ZNF540: variants seen among roughly 807,000 people sequenced by gnomAD.
The protein encoded by ZNF540 is zinc finger protein 540.
ZNF540 carries 3 observed loss-of-function variants against 11.8 expected under a neutral mutation model. The ratio of observed to expected loss-of-function variants is 0.25; its 90% CI spans 0.12 to 0.65. ZNF540 has a LOEUF of 0.65. ZNF540 is among the 30% of genes least tolerant of loss of function. The pLI is 0.83. For missense variants in ZNF540, 709 were observed against 793.1 expected (o/e 0.89, Z 1.27); for synonymous variants, 247 against 259.0 (o/e 0.95, Z 0.45).
intron 4 of ZNF540, among the ~76,000 whole-genome samples, chr19:37,605,914 A>G (rs1206756546): frequency 3.3e-5 from 5 of 152,234 alleles, no homozygotes; most frequent in Non-Finnish European, 4.4e-5. Flanking sequence ...CAAAATTTTT[A>G]GCAATTTTAT....
At chr19:37,583,450 C>T (rs2147196354) in intron 1 of ZNF540, 1 of 152,542 alleles carries the variant, frequency 6.6e-6, no homozygotes, top group Admixed American at 6.5e-5. Context: ...GGAACTCACA[C>T]ACATAACCTT....
chr19:37,561,903 A>C (rs1234667199), intron 1 of ZNF540, among the ~76,000 whole-genome samples: 1 of 152,244 alleles, frequency 6.6e-6, no homozygotes, highest in African/African-American at 2.4e-5. Context: ...GAGACGAAGA[A>C]TGCATGAGTG....
chr19:37,584,235 C>T (rs1412057397), intron 1 of ZNF540: 15 of 1,120,908 alleles, frequency 1.3e-5, no homozygotes, highest in Non-Finnish European at 1.7e-5. Context: ...GTAGTATTAA[C>T]CTGATTCTCT....
In ZNF540 at chr19:37,565,583, TTACA is replaced by T. The variant is rs765879319; in HGVS notation, c.-73+13920_-73+13923del. ...AAGAATAAAGGCCTTCCCACAATCC[TTACA>T]TTCATAGGGTTTTTCACCACTATGA... On this transcript the variant is annotated intron_variant, in intron 1 of 4. Transcript: ENST00000592533. The T allele has an allele frequency of 6.2e-6, 10 of 1,613,650 alleles. No homozygotes were observed. In the Admixed American group the frequency reaches 1.7e-4, roughly 27 times the overall value.
At chr19:37,580,055 G>T (rs1406037789) in intron 1 of ZNF540, among the ~76,000 whole-genome samples, 2 of 152,152 alleles carry the variant, frequency 1.3e-5, no homozygotes, top group African/African-American at 4.8e-5. Flanking sequence ...TATATTTACA[G>T]CACGGATAGA....
chr19:37,565,611 GA>G, intron 1 of ZNF540: 2 of 1,613,310 alleles, frequency 1.2e-6, no homozygotes, highest in South Asian at 2.2e-5. Context: ...TCACCACTAT[GA>G]ATTCTCTGAT....
intron 4 of ZNF540, among the ~76,000 whole-genome samples, chr19:37,601,478 C>T (rs1678072421): frequency 6.6e-6 from 1 of 151,984 alleles, no homozygotes; most frequent in Non-Finnish European, 1.5e-5. Flanking sequence ...TTACCGAGTG[C>T]TCACTCTGTG....
At chr19:37,559,896 C>T (rs572684490) in intron 1 of ZNF540, among the ~76,000 whole-genome samples, 3 of 152,282 alleles carry the variant, frequency 2.0e-5, no homozygotes, top group South Asian at 4.1e-4. Flanking sequence ...TGAAATGACA[C>T]CCACACTTGA....
Position 37,599,736 on chromosome 19 carries a change from T to C in ZNF540, c.120T>C (p.Asn40=), listed in dbSNP as rs1268636546. Residue 40 remains asparagine, a synonymous_variant, in exon 3 of 5, where the codon AAT becomes AAC. Coordinates refer to ENST00000316433, the MANE Select transcript of ZNF540 (RefSeq NM_001172225.3). ...LYRDVMLENY[N]NLVSLGYSGS... ...GAGATGTGATGTTGGAGAATTATAATAACTTGGTCTCACTGGGTAAGGTCA... is the reference window on the plus strand; with the variant it reads ...GAGATGTGATGTTGGAGAATTATAACAACTTGGTCTCACTGGGTAAGGTCA... 6.2e-7 allele frequency: 1 copy of C among 1,610,612 alleles called. No homozygotes were observed. Among genetic ancestry groups the C allele is most frequent in the Non-Finnish European group, 8.5e-7 (1 of 1,178,084 alleles).
intron 1 of ZNF540, among the ~76,000 whole-genome samples, chr19:37,558,290 C>T (rs983286069): frequency 6.6e-6 from 1 of 152,086 alleles, no homozygotes; most frequent in Admixed American, 6.5e-5. Context: ...TTTCTAAAAG[C>T]TGACTGATAT....
intron 1 of ZNF540, chr19:37,575,760 G>A (rs369793416): frequency 6.6e-6 from 1 of 152,188 alleles, no homozygotes; most frequent in Admixed American, 6.5e-5. Context: ...TTTAGGGAAT[G>A]TTGTGATCCA....
intron 1 of ZNF540, chr19:37,585,553 A>AT (rs1484983592): frequency 1.3e-5 from 2 of 152,082 alleles, no homozygotes; most frequent in Admixed American, 1.3e-4. Flanking sequence ...TTTGATCATC[A>AT]TTTTTTCTAA....
chr19:37,565,866 TTC>T (rs752685378), intron 1 of ZNF540: 1 of 1,613,814 alleles, frequency 6.2e-7, no homozygotes. Context: ...CCAGTCTGAA[TTC>T]TCTGATGTTG....
Position 37,613,909 on chromosome 19 carries a change from G to A in ZNF540, c.*646G>A. 1 of 398,542 alleles carries A rather than the reference G, an allele frequency of 2.5e-6. No homozygotes were observed. The highest frequency in any genetic ancestry group is 4.4e-6 in the Non-Finnish European group (1 of 226,046). The allele number at this position is 398,542 out of a possible 1,614,324, so 24.7% of individuals were successfully genotyped here. A position where few individuals can be genotyped will look rare whatever the true frequency, so the allele number is the denominator to read the frequency against. On this transcript the variant is annotated 3_prime_UTR_variant, in exon 5 of 5. Coordinates refer to ENST00000316433, the MANE Select transcript of ZNF540 (RefSeq NM_001172225.3). Reference sequence around the variant, plus strand: ...TCATGAGGGTGGAGCCTTCATGAGTGGAATTACTGCCTTTATAAGAAGAAG... The same window carrying A: ...TCATGAGGGTGGAGCCTTCATGAGTAGAATTACTGCCTTTATAAGAAGAAG...
intron 1 of ZNF540, among the ~76,000 whole-genome samples, chr19:37,595,727 A>G (rs2043986399): frequency 1.3e-5 from 2 of 152,300 alleles, no homozygotes; most frequent in Non-Finnish European, 2.9e-5. Flanking sequence ...TCCATTTTTT[A>G]TATCTGTGCT....
upstream of ZNF540, among the ~76,000 whole-genome samples, chr19:37,592,264 A>T (rs888329623): frequency 6.6e-6 from 1 of 152,142 alleles, no homozygotes; most frequent in Non-Finnish European, 1.5e-5. Context: ...AAAATAAAGA[A>T]TGGATCTTGG....
chr19:37,590,374 G>A (rs111612689), upstream of ZNF540, among the ~76,000 whole-genome samples: 4,855 of 152,002 alleles, frequency 0.032, 271 homozygotes, highest in African/African-American at 0.11. Context: ...CCAAGATCTC[G>A]CCACCGCACT....
At chr19:37,601,146 C>A (rs1240382194) in intron 4 of ZNF540, 41 bp downstream of exon 4, 1 of 1,497,492 alleles carries the variant, frequency 6.7e-7, no homozygotes, top group Non-Finnish European at 9.1e-7. Context: ...GCCCTCATTG[C>A]CAGTCACGGC....
intron 1 of ZNF540, among the ~76,000 whole-genome samples, chr19:37,552,574 T>C (rs2042616935): frequency 6.6e-6 from 1 of 152,256 alleles, no homozygotes; most frequent in Non-Finnish European, 1.5e-5. Flanking sequence ...CTTTGTCTTC[T>C]TGGTCAATAC....
Sources: allele counts gnomAD v4.1 joint callset (sites outside exome capture counted in the v4.1 genomes callset), GRCh38; gene constraint gnomAD v4.1.1; transcripts MANE v1.5; gene names NCBI Gene and HGNC (gene_info 2026-07-23, HGNC 2026-07-21).